RBKS: variants seen among roughly 807,000 people sequenced by gnomAD.
RBKS encodes ribokinase.
Under a neutral mutation model 33.9 loss-of-function variants are expected in RBKS, and 33 were observed. The ratio of observed to expected loss-of-function variants is 0.97; its 90% CI spans 0.74 to 1.30. The LOEUF (loss-of-function observed/expected upper bound fraction) is 1.30. Ranked by LOEUF, RBKS falls within the 50% of genes most tolerant of loss-of-function variation. The pLI, the probability that RBKS is intolerant of heterozygous loss-of-function variation, is 0.00. For missense variants in RBKS, 361 were observed against 392.6 expected (o/e 0.92, Z 0.68); for synonymous variants, 125 against 143.0 (o/e 0.87, Z 0.90).
chr2:27,782,685 C>T lies in RBKS; in HGVS notation c.796-897G>A, dbSNP rs778000108. ...TTACTGATGGTGTTAACCCTGGTCACCTGGCTAAGGTAGTCTTTGCCAAGT... is the reference window on the plus strand; with the variant it reads ...TTACTGATGGTGTTAACCCTGGTCATCTGGCTAAGGTAGTCTTTGCCAAGT... On this transcript the variant is annotated intron_variant, in intron 7 of 7. Coordinates refer to ENST00000302188, the MANE Select transcript of RBKS (RefSeq NM_022128.3). The T allele has an allele frequency of 4.5e-5, 20 of 441,128 alleles. No homozygotes were observed. In the East Asian group the frequency reaches 6.4e-4, roughly 14 times the overall value. 27.3% of individuals were successfully genotyped at this position (441,128 alleles called of 1,614,324 possible).
chr2:27,840,222 G>A (rs1255786666), intron 5 of RBKS, among the ~76,000 whole-genome samples: 1 of 151,288 alleles, frequency 6.6e-6, no homozygotes, highest in Non-Finnish European at 1.5e-5. Flanking sequence ...GGGTTTCACC[G>A]TGTTAGCCAG....
At chr2:27,828,954 A>G (rs964666733) in intron 6 of RBKS, among the ~76,000 whole-genome samples, 2 of 152,156 alleles carry the variant, frequency 1.3e-5, no homozygotes, top group Non-Finnish European at 2.9e-5. Flanking sequence ...GTGCTGTGGC[A>G]TGATCATAGC....
At chr2:27,884,297 G>C (rs1369526706) in intron 1 of RBKS, among the ~76,000 whole-genome samples, 2 of 152,114 alleles carry the variant, frequency 1.3e-5, no homozygotes, top group Non-Finnish European at 2.9e-5. Context: ...TGTCCAGGCT[G>C]AAGTACAGTG....
chr2:27,782,680 G>A (rs1294215003), intron 7 of RBKS: 7 of 442,186 alleles, frequency 1.6e-5, no homozygotes. Context: ...TGTTAACCCT[G>A]GTCACCTGGC....
chr2:27,798,843 T>G (rs1297176164), intron 7 of RBKS, among the ~76,000 whole-genome samples: 2 of 152,244 alleles, frequency 1.3e-5, no homozygotes, highest in South Asian at 2.1e-4. Context: ...TATACTCATT[T>G]TTGGAGACTC....
intron 7 of RBKS, among the ~76,000 whole-genome samples, chr2:27,822,135 C>T (rs141922272): frequency 2.6e-5 from 4 of 152,286 alleles, no homozygotes; most frequent in African/African-American, 4.8e-5. Flanking sequence ...AGGAAAGTCA[C>T]GGAGACTAGT....
At chr2:27,815,642 G>A (rs538428776) in intron 7 of RBKS, among the ~76,000 whole-genome samples, 4 of 152,274 alleles carry the variant, frequency 2.6e-5, no homozygotes, top group East Asian at 3.9e-4. Flanking sequence ...GAAGATGGGC[G>A]AGGAGTAGAC....
chr2:27,877,273 G>A (rs1252589364), intron 1 of RBKS, among the ~76,000 whole-genome samples: 1 of 151,430 alleles, frequency 6.6e-6, no homozygotes, highest in Non-Finnish European at 1.5e-5. Context: ...ATGGGTGGTT[G>A]AGCTTTGTGT....
intron 5 of RBKS, among the ~76,000 whole-genome samples, chr2:27,842,665 T>A (rs1462092100): frequency 1.3e-5 from 2 of 152,024 alleles, no homozygotes; most frequent in East Asian, 1.9e-4. Context: ...AATTCTTTTT[T>A]TTTTTTTTGA....
chr2:27,841,395 A>G (rs1439072053), intron 5 of RBKS, among the ~76,000 whole-genome samples: 1 of 152,166 alleles, frequency 6.6e-6, no homozygotes, highest in Non-Finnish European at 1.5e-5. Flanking sequence ...GAAAGACAAG[A>G]GCAGGAGCAG....
At position 27,810,787 on chromosome 2, in the gene RBKS, ATC is replaced by A. The variant is rs1371080888; in HGVS notation, c.795+16778_795+16779del. Among the ~76,000 whole-genome samples, 2 of 152,072 alleles carry A rather than the reference ATC, an allele frequency of 1.3e-5. No individual in the cohort carries two copies. The highest frequency in any genetic ancestry group is 2.9e-5 in the Non-Finnish European group (2 of 68,014). Reference sequence around the variant, plus strand: ...CACTTCCCTAGTCCAGGCTGCCACCATCTCTCACCCAGATCAATACGACAGTC... The same window carrying A: ...CACTTCCCTAGTCCAGGCTGCCACCATCTCACCCAGATCAATACGACAGTC... On this transcript the variant is annotated intron_variant, in intron 7 of 7. Transcript: ENST00000302188. This position sits in a 1 kb window ranked among gnomAD's most constrained non-coding sequence, Gnocchi z 4.4.
intron 5 of RBKS, among the ~76,000 whole-genome samples, chr2:27,841,932 G>T (rs1402264696): frequency 1.3e-5 from 2 of 152,054 alleles, no homozygotes; most frequent in Non-Finnish European, 2.9e-5. Context: ...GCTTGATCAG[G>T]ATATTATCCT....
chr2:27,834,503 G>T (rs11894637), intron 5 of RBKS, among the ~76,000 whole-genome samples: 1,676 of 152,154 alleles, frequency 0.011, 23 homozygotes, highest in African/African-American at 0.038. Context: ...CAACACCCCC[G>T]CCTGTCTACC....
At chr2:27,822,345 T>C (rs1034376116) in intron 7 of RBKS, among the ~76,000 whole-genome samples, 4 of 152,130 alleles carry the variant, frequency 2.6e-5, no homozygotes, top group East Asian at 3.9e-4. Context: ...GAGGAGAATG[T>C]AGGGTGGAGG....
intron 1 of RBKS, among the ~76,000 whole-genome samples, chr2:27,860,961 GTC>G (rs765759958): frequency 2.7e-5 from 4 of 147,638 alleles, no homozygotes; most frequent in Non-Finnish European, 4.4e-5. Context: ...CTCTGTCTCT[GTC>G]TCTCTTTCTC....
Position 27,837,451 on chromosome 2 carries a change from T to C in RBKS, c.515-4674A>G, listed in dbSNP as rs72853284. Among the ~76,000 whole-genome samples the C allele has an allele frequency of 0.011, 1,720 of 152,244 alleles. 42 individuals carry two copies. Among genetic ancestry groups the C allele is most frequent in the African/African-American group, 0.039 (1,632 of 41,528 alleles). On this transcript the variant is annotated intron_variant, in intron 5 of 7. Coordinates refer to ENST00000302188, the MANE Select transcript of RBKS (RefSeq NM_022128.3). The surrounding 1 kb of genome is among the most constrained non-coding windows in gnomAD (Gnocchi z 4.0). Reference sequence around the variant, plus strand: ...CAAAGAACTTAAAATAGACCTACCATTTGACCCAGCAATCCTATGCCTGGT... The same window carrying C: ...CAAAGAACTTAAAATAGACCTACCACTTGACCCAGCAATCCTATGCCTGGT...
At chr2:27,804,484 A>G (rs753257056) in intron 7 of RBKS, among the ~76,000 whole-genome samples, 2 of 152,232 alleles carry the variant, frequency 1.3e-5, no homozygotes, top group Non-Finnish European at 2.9e-5. Context: ...TAATTCTATA[A>G]TTAAACAATA....
At chr2:27,858,385 T>C (rs1384628005) in intron 2 of RBKS, 54 bp downstream of exon 2, 1 of 1,529,646 alleles carries the variant, frequency 6.5e-7, no homozygotes, top group Non-Finnish European at 8.8e-7. Context: ...TGAACTCCAG[T>C]CTTAAAACCA....
chr2:27,889,924 G>C (rs755424207), intron 1 of RBKS: 2 of 264,776 alleles, frequency 7.6e-6, no homozygotes, highest in Non-Finnish European at 1.4e-5. Context: ...AAGTTCCCTG[G>C]CTCGTTTGGG....
Sources: allele counts gnomAD v4.1 joint callset (sites outside exome capture counted in the v4.1 genomes callset), GRCh38; gene constraint gnomAD v4.1.1; non-coding constraint Gnocchi (gnomAD v3.1); transcripts MANE v1.5; gene names NCBI Gene and HGNC (gene_info 2026-07-23, HGNC 2026-07-21).